Variants in CSPG5 observed in about 807,000 individuals in gnomAD.
CSPG5 encodes acidic leucine-rich EGF-like domain-containing brain protein.
CSPG5 carries 25 observed loss-of-function variants against 39.8 expected under a neutral mutation model. The observed-to-expected ratio is 0.63, with a 90% CI of 0.46 to 0.88. The LOEUF (loss-of-function observed/expected upper bound fraction) is 0.88. CSPG5 is among the 40% of genes least tolerant of loss of function. The probability of loss-of-function intolerance (pLI) is 0.00; values close to 1 mark genes in which losing one functional copy is unlikely to be tolerated. For missense variants in CSPG5, 627 were observed against 702.2 expected, an observed-to-expected ratio of 0.89 and a Z score of 1.21; for synonymous variants, 295 against 303.9, an observed-to-expected ratio of 0.97 and a Z score of 0.31.
intron 2 of CSPG5, among the ~76,000 whole-genome samples, chr3:47,576,470 T>G (rs1559614735): frequency 6.6e-6 from 1 of 150,774 alleles, no homozygotes; most frequent in African/African-American, 2.4e-5. Flanking sequence ...TGTTTTTTTT[T>G]TTTTTTGAGA....
In CSPG5 at chr3:47,577,049, T is replaced by TG. The variant is rs1559615268; in HGVS notation, c.976dup (p.Gln326ProfsTer29). The stretch of plus-strand genomic sequence containing the variant: ...GCCGGGGACCGACCCCAGAGTGTGC[T>TG]GTGGAGGGACAGCATGCCACCGACT... On this transcript the variant is annotated frameshift_variant, in exon 2 of 5. Coordinates refer to ENST00000264723, the MANE Select transcript of CSPG5 (RefSeq NM_006574.4). LOFTEE classifies it high-confidence loss of function. This position sits in a 1 kb window ranked among gnomAD's most constrained non-coding sequence, Gnocchi z 4.7. 6.2e-7 allele frequency: 1 copy of TG among 1,613,614 alleles called. No homozygotes were observed. Among genetic ancestry groups the TG allele is most frequent in the South Asian group, 1.1e-5 (1 of 91,062 alleles).
In CSPG5 at chr3:47,577,648, C is replaced by G; in HGVS notation, c.378G>C (p.Thr126=). 6.2e-7 allele frequency: 1 copy of G among 1,608,470 alleles called. No individual in the cohort carries two copies. Among genetic ancestry groups the G allele is most frequent in the Non-Finnish European group, 8.5e-7 (1 of 1,178,522 alleles). Residue 126 remains threonine, a synonymous_variant, in exon 2 of 5, where the codon ACG becomes ACC. Coordinates refer to ENST00000264723, the MANE Select transcript of CSPG5 (RefSeq NM_006574.4). This position sits in a 1 kb window ranked among gnomAD's most constrained non-coding sequence, Gnocchi z 4.7. The part of the protein sequence containing the change: ...GSGDAQALPA[T]LQAPHEVLGQ... ...CGAGGACCTCGTGGGGAGCCTGGAG[C>G]GTAGCTGGAAGGGCCTGGGCATCGC... is the stretch of plus-strand genomic sequence containing the variant.
Position 47,577,795 on chromosome 3 carries a change from C to A in CSPG5, c.231G>T (p.Ala77=). Residue 77 remains alanine (A), a synonymous_variant, in exon 2 of 5, where the codon GCG becomes GCT. Transcript: ENST00000264723. The surrounding 1 kb of genome is among the most constrained non-coding windows in gnomAD (Gnocchi z 4.7). The part of the protein sequence containing the change: ...AAGEDEASWT[A]PGGELAGPEE... ...CTGGCCCGGCCAGCTCGCCACCGGG[C>A]GCCGTCCACGACGCCTCATCTTCCC... 1 of 1,583,382 alleles carries A rather than the reference C, an allele frequency of 6.3e-7. No homozygotes were observed. The highest frequency in any genetic ancestry group is 8.5e-7 in the Non-Finnish European group (1 of 1,173,360).
At position 47,577,131 on chromosome 3, in the gene CSPG5, C is replaced by A; in HGVS notation, c.895G>T (p.Glu299Ter). ...GGCTTCCCAGTGGGCACTAGAAGCTCATTTTCATCTTCTAGGTCTCCACCT... is the reference window on the plus strand; with the variant it reads ...GGCTTCCCAGTGGGCACTAGAAGCTAATTTTCATCTTCTAGGTCTCCACCT... ...VGGGDLEDEN[E>*]LLVPTGKPGL... Residue 299 changes from glutamate to a stop codon, truncating the protein, a stop_gained, in exon 2 of 5, where the codon GAG becomes TAG. Coordinates refer to ENST00000264723, the MANE Select transcript of CSPG5 (RefSeq NM_006574.4). LOFTEE classifies it high-confidence loss of function. The surrounding 1 kb of genome is among the most constrained non-coding windows in gnomAD (Gnocchi z 4.7). 1 of 1,613,986 alleles carries A rather than the reference C, an allele frequency of 6.2e-7. No homozygotes were observed. The highest frequency in any genetic ancestry group is 1.1e-5 in the South Asian group (1 of 91,066).
chr3:47,564,174 A>G (rs2031200910), intron 4 of CSPG5, among the ~76,000 whole-genome samples: 1 of 152,122 alleles, frequency 6.6e-6, no homozygotes, highest in South Asian at 2.1e-4. Flanking sequence ...ACCACTACCA[A>G]AATTCAAGAT....
chr3:47,576,701 C>T (rs1468144951), intron 2 of CSPG5, 132 bp downstream of exon 2: 4 of 1,021,150 alleles, frequency 3.9e-6, no homozygotes, highest in Middle Eastern at 2.5e-4. Flanking sequence ...CTTAGGAGAT[C>T]CGCCTGCCTC....
chr3:47,569,061 A>G, intron 4 of CSPG5, 91 bp downstream of exon 4: 1 of 1,489,418 alleles, frequency 6.7e-7, no homozygotes, highest in Non-Finnish European at 8.9e-7. Flanking sequence ...ATGTGAAGAA[A>G]ACAAGTTACC....
chr3:47,578,114 C>T lies in CSPG5; in HGVS notation c.98-186G>A, dbSNP rs1048802120. 1 of 930,558 alleles carries T rather than the reference C, an allele frequency of 1.1e-6. No homozygotes were observed. Among genetic ancestry groups the T allele is most frequent in the Non-Finnish European group, 1.4e-6 (1 of 706,438 alleles). 57.6% of individuals were successfully genotyped at this position (930,558 alleles called of 1,614,324 possible). On this transcript the variant is annotated intron_variant, in intron 1 of 4. Coordinates refer to ENST00000264723, the MANE Select transcript of CSPG5 (RefSeq NM_006574.4). The surrounding 1 kb of genome is among the most constrained non-coding windows in gnomAD (Gnocchi z 6.0). ...CTCTAAGCCCCGTCCCGGAGTCTGC[C>T]CCCAAGACGAGGATCACACCCCGCC...
rs1195649484 is a variant in CSPG5, at chr3:47,577,636, G to A, written c.390C>T (p.Pro130=). 2.5e-6 allele frequency: 4 copies of A among 1,610,164 alleles called. No homozygotes were observed. Among genetic ancestry groups the A allele is most frequent in the Admixed American group, 3.3e-5 (2 of 59,926 alleles). The change falls in exon 2 of 5, where the codon CCC becomes CCT. Residue 130 remains proline (P), a synonymous_variant. Coordinates refer to ENST00000264723, the MANE Select transcript of CSPG5 (RefSeq NM_006574.4). This position sits in a 1 kb window ranked among gnomAD's most constrained non-coding sequence, Gnocchi z 4.7. ...TGATTGACTGCCCGAGGACCTCGTG[G>A]GGAGCCTGGAGCGTAGCTGGAAGGG... The part of the protein sequence containing the change: ...AQALPATLQA[P]HEVLGQSIMP...
chr3:47,564,769 G>T (rs1462234367), intron 4 of CSPG5, among the ~76,000 whole-genome samples: 1 of 152,094 alleles, frequency 6.6e-6, no homozygotes, highest in Non-Finnish European at 1.5e-5. Flanking sequence ...ATAGATATAG[G>T]TGTGTGTTTG....
intron 4 of CSPG5, among the ~76,000 whole-genome samples, chr3:47,563,114 G>A (rs1559609080): frequency 6.6e-6 from 1 of 152,198 alleles, no homozygotes; most frequent in Non-Finnish European, 1.5e-5. Context: ...GGCCTGCTGA[G>A]CCCGGCCTTC....
chr3:47,563,481 T>C (rs891911039), intron 4 of CSPG5, among the ~76,000 whole-genome samples: 1 of 152,364 alleles, frequency 6.6e-6, no homozygotes, highest in South Asian at 2.1e-4. Context: ...TACAGCCCTG[T>C]GACAAGCTCC....
Position 47,577,824 on chromosome 3 carries a change from C to A in CSPG5, c.202G>T (p.Ala68Ser), listed in dbSNP as rs200269902. 48 of 1,573,736 alleles carry A rather than the reference C, an allele frequency of 3.1e-5. No individual in the cohort carries two copies. The Admixed American group carries it at 3.2e-4, about 11-fold the overall frequency. The change falls in exon 2 of 5, where the codon GCT becomes TCT. Residue 68 changes from alanine to serine, a missense_variant. By Grantham distance (99) the Ala-to-Ser change is moderately conservative (BLOSUM62 1). Coordinates refer to ENST00000264723, the MANE Select transcript of CSPG5 (RefSeq NM_006574.4). This position sits in a 1 kb window ranked among gnomAD's most constrained non-coding sequence, Gnocchi z 4.7. Reference protein sequence around the residue: ...DTREEAGPPAAGEDEASWTAP... With the variant: ...DTREEAGPPASGEDEASWTAP... ...GTCCACGACGCCTCATCTTCCCCAGCCGCTGGTGGGCCGGCTTCTTCCCGC... is the reference window on the plus strand; with the variant it reads ...GTCCACGACGCCTCATCTTCCCCAGACGCTGGTGGGCCGGCTTCTTCCCGC...
Position 47,577,589 on chromosome 3 carries a change from G to A in CSPG5, c.437C>T (p.Ala146Val). The part of the protein sequence containing the change: ...QSIMPPAIPE[A>V]TEASGPPSPT... ...GGAGGGTGGCCCGCTGGCCTCTGTA[G>A]CCTCAGGAATGGCAGGGGGCATGAT... The change falls in exon 2 of 5, where the codon GCT becomes GTT. Residue 146 changes from alanine (A) to valine (V), a missense_variant. Ala to Val is a moderately conservative substitution (Grantham distance 64). Coordinates refer to ENST00000264723, the MANE Select transcript of CSPG5 (RefSeq NM_006574.4). The surrounding 1 kb of genome is among the most constrained non-coding windows in gnomAD (Gnocchi z 4.7). The A allele has an allele frequency of 6.2e-7, 1 of 1,611,722 alleles. No individual in the cohort carries two copies. Among genetic ancestry groups the A allele is most frequent in the Non-Finnish European group, 8.5e-7 (1 of 1,179,610 alleles).
Position 47,572,096 on chromosome 3 carries a change from CTCAGGA to C in CSPG5, c.1382+584_1382+589del, listed in dbSNP as rs2031549331. On this transcript the variant is annotated intron_variant, in intron 3 of 4. Coordinates refer to ENST00000264723, the MANE Select transcript of CSPG5 (RefSeq NM_006574.4). This position sits in a 1 kb window ranked among gnomAD's most constrained non-coding sequence, Gnocchi z 4.5. ...ACCCTAGTTCTCCCCACATATTCTA[CTCAGGA>C]GAGGTAAAGAGGATTTTCTTAAGTT... Among the ~76,000 whole-genome samples, 1 of 152,208 alleles carries C rather than the reference CTCAGGA, an allele frequency of 6.6e-6. No homozygotes were observed. Among genetic ancestry groups the C allele is most frequent in the Non-Finnish European group, 1.5e-5 (1 of 68,042 alleles).
intron 3 of CSPG5, among the ~76,000 whole-genome samples, chr3:47,571,449 C>A (rs2031525253): frequency 6.6e-6 from 1 of 152,222 alleles, no homozygotes; most frequent in South Asian, 2.1e-4. Context: ...CCATCTCCTG[C>A]CCCCTGGATA....
chr3:47,573,903 G>A (rs142691634), intron 2 of CSPG5, among the ~76,000 whole-genome samples: 12 of 152,352 alleles, frequency 7.9e-5, no homozygotes, highest in African/African-American at 2.2e-4. Context: ...CCTCTACCCC[G>A]GTGTTCTAGA....
At chr3:47,571,661 G>A (rs933025982) in intron 3 of CSPG5, among the ~76,000 whole-genome samples, 1 of 152,248 alleles carries the variant, frequency 6.6e-6, no homozygotes, top group African/African-American at 2.4e-5. Flanking sequence ...ACCCAGCAAA[G>A]GAGCAACAGA....
Position 47,577,913 on chromosome 3 carries a change from C to G in CSPG5, c.113G>C (p.Ser38Thr), listed in dbSNP as rs2031831109. 1 of 1,447,962 alleles carries G rather than the reference C, an allele frequency of 6.9e-7. No individual in the cohort carries two copies. Among genetic ancestry groups the G allele is most frequent in the African/African-American group, 1.5e-5 (1 of 66,870 alleles). 89.7% of individuals were successfully genotyped at this position (1,447,962 alleles called of 1,614,324 possible). The change falls in exon 2 of 5, where the codon AGC becomes ACC. Residue 38 changes from serine to threonine, a missense_variant. Physicochemically the swap from Ser to Thr is moderately conservative, Grantham distance 58. Coordinates refer to ENST00000264723, the MANE Select transcript of CSPG5 (RefSeq NM_006574.4). This position sits in a 1 kb window ranked among gnomAD's most constrained non-coding sequence, Gnocchi z 4.7. ...CACCAGCTCTTCGGCCTCAACCGCGCTGCCCGCCTCACGCGCTGCGGGCGG... is the reference window on the plus strand; with the variant it reads ...CACCAGCTCTTCGGCCTCAACCGCGGTGCCCGCCTCACGCGCTGCGGGCGG... The part of the protein sequence containing the change: ...SGAVPAREAG[S>T]AVEAEELVKG...
Sources: allele counts gnomAD v4.1 joint callset (sites outside exome capture counted in the v4.1 genomes callset), GRCh38; gene constraint gnomAD v4.1.1; non-coding constraint Gnocchi (gnomAD v3.1); transcripts MANE v1.5; gene names NCBI Gene and HGNC (gene_info 2026-07-23, HGNC 2026-07-21).